The following SNTB1 variants were observed in gnomAD, a reference collection of about 807,000 sequenced individuals.
SNTB1 encodes the protein beta-1-syntrophin.
In SNTB1, 36 loss-of-function variants were observed where a neutral mutation model predicts 48.9. The ratio of observed to expected loss-of-function variants is 0.74; its 90% CI spans 0.56 to 0.97. The LOEUF is 0.97. Ranked by LOEUF, SNTB1 falls within the 50% of genes least tolerant of loss-of-function variation. The pLI is 0.00. For missense variants in SNTB1, 786 were observed against 703.4 expected, an observed-to-expected ratio of 1.12 and a Z score of -1.33; for synonymous variants, 299 against 294.6, an observed-to-expected ratio of 1.01 and a Z score of -0.15.
At chr8:120,700,025 C>T (rs1445604652) in intron 1 of SNTB1, among the ~76,000 whole-genome samples, 1 of 151,996 alleles carries the variant, frequency 6.6e-6, no homozygotes, top group Non-Finnish European at 1.5e-5. Context: ...TATAATCATC[C>T]CCCTTTGGTC....
At chr8:120,553,274 C>T (rs920559167) in intron 4 of SNTB1, among the ~76,000 whole-genome samples, 3 of 152,184 alleles carry the variant, frequency 2.0e-5, no homozygotes, top group African/African-American at 7.2e-5. Flanking sequence ...AATTCTCTAA[C>T]ATTTATATTA....
intron 4 of SNTB1, among the ~76,000 whole-genome samples, chr8:120,553,891 G>A (rs184381895): frequency 6.6e-6 from 1 of 152,230 alleles, no homozygotes; most frequent in African/African-American, 2.4e-5. Flanking sequence ...CCAGCTACTC[G>A]GGAGGCTGAG....
chr8:120,695,425 A>G (rs1818195307), intron 1 of SNTB1, among the ~76,000 whole-genome samples: 1 of 152,128 alleles, frequency 6.6e-6, no homozygotes, highest in African/African-American at 2.4e-5. Flanking sequence ...GGTGAGAACA[A>G]CTCATAGCTG....
chr8:120,649,992 T>C (rs1031584403), intron 2 of SNTB1, among the ~76,000 whole-genome samples: 8 of 152,170 alleles, frequency 5.3e-5, no homozygotes, highest in South Asian at 2.1e-4. Flanking sequence ...CCCTTGCACT[T>C]CCCAAGTGAG....
At chr8:120,671,240 A>G (rs975540287) in intron 2 of SNTB1, among the ~76,000 whole-genome samples, 3 of 152,224 alleles carry the variant, frequency 2.0e-5, no homozygotes, top group Non-Finnish European at 2.9e-5. Flanking sequence ...CATGGCCTGC[A>G]ATAATGGGTT....
At chr8:120,732,782 G>T (rs147001483) in intron 1 of SNTB1, among the ~76,000 whole-genome samples, 5,683 of 152,260 alleles carry the variant, frequency 0.037, 328 homozygotes, top group African/African-American at 0.13. Context: ...CGAGGTGGAG[G>T]TTGCAGTGAG....
chr8:120,636,379 C>T (rs1440824642), intron 2 of SNTB1, among the ~76,000 whole-genome samples: 1 of 133,948 alleles, frequency 7.5e-6, no homozygotes, highest in Non-Finnish European at 1.6e-5. Flanking sequence ...TCTCCCGATG[C>T]TATCCCTCCC....
intron 4 of SNTB1, among the ~76,000 whole-genome samples, chr8:120,566,044 C>T (rs955726133): frequency 7.9e-5 from 12 of 152,026 alleles, no homozygotes; most frequent in Non-Finnish European, 1.5e-4. Context: ...TATTAAAATA[C>T]AAAAATTAGC....
intron 2 of SNTB1, among the ~76,000 whole-genome samples, chr8:120,645,076 T>A (rs1268029407): frequency 6.7e-6 from 1 of 148,374 alleles, no homozygotes; most frequent in Non-Finnish European, 1.5e-5. Context: ...CTTTGTCAGA[T>A]GAGTAGGTTG....
At chr8:120,671,969 T>C (rs934372752) in intron 2 of SNTB1, among the ~76,000 whole-genome samples, 7 of 152,246 alleles carry the variant, frequency 4.6e-5, no homozygotes, top group Admixed American at 6.5e-5. Flanking sequence ...TTTCAACTTA[T>C]GATGGTGCAA....
intron 2 of SNTB1, among the ~76,000 whole-genome samples, chr8:120,670,944 A>C (rs1817747742): frequency 6.6e-6 from 1 of 152,234 alleles, no homozygotes; most frequent in Non-Finnish European, 1.5e-5. Context: ...CAAAGTTATC[A>C]ATTAGTAGAA....
At chr8:120,603,249 G>A (rs933358241) in intron 3 of SNTB1, among the ~76,000 whole-genome samples, 8 of 151,938 alleles carry the variant, frequency 5.3e-5, no homozygotes, top group Non-Finnish European at 1.2e-4. Flanking sequence ...CTACAGGTGC[G>A]CCACCATGCC....
chr8:120,747,956 CTTCT>C (rs1394860150), intron 1 of SNTB1, among the ~76,000 whole-genome samples: 1 of 152,052 alleles, frequency 6.6e-6, no homozygotes, highest in Non-Finnish European at 1.5e-5. Context: ...TATTATTTTT[CTTCT>C]TTCTTTCTTT....
At chr8:120,800,244 G>T (rs1008663991) in intron 1 of SNTB1, among the ~76,000 whole-genome samples, 3 of 151,918 alleles carry the variant, frequency 2.0e-5, no homozygotes, top group Non-Finnish European at 2.9e-5. Flanking sequence ...AAAGCCCCAC[G>T]CCAACTTTAT....
chr8:120,711,681 T>C lies in SNTB1; in HGVS notation c.572-17773A>G, dbSNP rs917800157. Among the ~76,000 whole-genome samples the C allele has an allele frequency of 5.9e-5, 9 of 152,330 alleles. No individual in the cohort carries two copies. In the East Asian group the frequency reaches 9.6e-4, roughly 16 times the overall value. On this transcript the variant is annotated intron_variant, in intron 1 of 6. Transcript: ENST00000517992. ...GTTCAACGGATAATTCATATTTAAG[T>C]ATATGACCTCATTAGACAAGCCTAC...
At chr8:120,567,388 G>A (rs1020628098) in intron 4 of SNTB1, among the ~76,000 whole-genome samples, 1 of 148,864 alleles carries the variant, frequency 6.7e-6, no homozygotes, top group Non-Finnish European at 1.5e-5. Flanking sequence ...ATAAGGGCCA[G>A]CCACTACTTC....
intron 2 of SNTB1, among the ~76,000 whole-genome samples, chr8:120,658,825 CTTCTT>C (rs1342273787): frequency 6.6e-6 from 1 of 152,148 alleles, no homozygotes; most frequent in African/African-American, 2.4e-5. Context: ...TCAATTGACT[CTTCTT>C]TTCGCAAAAT....
At position 120,632,555 on chromosome 8, in the gene SNTB1, G is replaced by C; in HGVS notation, c.885C>G (p.Ser295=). The change falls in exon 3 of 7, where the codon TCC becomes TCG. Residue 295 remains serine, a synonymous_variant. Coordinates refer to ENST00000517992, the MANE Select transcript of SNTB1 (RefSeq NM_021021.4). ...TAQAWFSAIH[S]NVNDLLTRVI... ...CTCGGGTCAGCAGGTCATTAACGTT[G>C]GAATGGATGGCACTGAACCATGCCT... is the stretch of plus-strand genomic sequence containing the variant. 6.2e-7 allele frequency: 1 copy of C among 1,614,094 alleles called. No individual in the cohort carries two copies.
chr8:120,587,016 C>A (rs1256251450), intron 3 of SNTB1, among the ~76,000 whole-genome samples: 1 of 152,032 alleles, frequency 6.6e-6, no homozygotes, highest in East Asian at 1.9e-4. Flanking sequence ...AGGCCAGGAG[C>A]TCAAGACCAG....
Sources: allele counts gnomAD v4.1 joint callset (sites outside exome capture counted in the v4.1 genomes callset), GRCh38; gene constraint gnomAD v4.1.1; transcripts MANE v1.5; gene names NCBI Gene and HGNC (gene_info 2026-07-23, HGNC 2026-07-21).